ADGRB1: variants seen among roughly 807,000 people sequenced by gnomAD.
ADGRB1 encodes the protein adhesion G protein-coupled receptor B1, also known as brain-specific angiogenesis inhibitor 1.
A neutral mutation model predicts 175.7 loss-of-function variants in ADGRB1; 36 were observed. The ratio of observed to expected loss-of-function variants is 0.20; its 90% confidence interval spans 0.16 to 0.27. The LOEUF (loss-of-function observed/expected upper bound fraction) is 0.27. ADGRB1 is among the 10% of genes least tolerant of loss of function. ADGRB1 has a pLI of 1.00. For missense variants in ADGRB1, 1,731 were observed against 2,255.3 expected, an observed-to-expected ratio of 0.77 and a Z score of 4.71; for synonymous variants, 1,054 against 979.4, an observed-to-expected ratio of 1.08 and a Z score of -1.42.
At chr8:142,539,445 AGCCCG>A in intron 27 of ADGRB1, 32 bp downstream of exon 27, 1 of 1,597,690 alleles carries the variant, frequency 6.3e-7, no homozygotes, top group Non-Finnish European at 8.5e-7. Context: ...GGACAGTGCC[AGCCCG>A]GCCCCCTGCA....
intron 23 of ADGRB1, 35 bp from the exon 24 acceptor site, chr8:142,526,507 C>CCACCCCCA: frequency 7.7e-7 from 1 of 1,298,616 alleles, no homozygotes; most frequent in Non-Finnish European, 1.1e-6. Context: ...ACGGCGGCCC[C>CCACCCCCA]CACCCCCACA....
chr8:142,490,921 C>G (rs1196719216), intron 17 of ADGRB1, 106 bp downstream of exon 17: 2 of 1,417,628 alleles, frequency 1.4e-6, no homozygotes, highest in African/African-American at 2.8e-5. Flanking sequence ...CACTTGCCCC[C>G]CAGCTGTCTG....
intron 16 of ADGRB1, among the ~76,000 whole-genome samples, chr8:142,490,155 C>A (rs377376455): frequency 2.0e-5 from 3 of 152,208 alleles, no homozygotes; most frequent in South Asian, 2.1e-4. Context: ...AGCTGTGTGA[C>A]CTTGGGAGAG....
intron 4 of ADGRB1, 87 bp downstream of exon 4, chr8:142,476,782 T>C: frequency 1.6e-6 from 2 of 1,286,076 alleles, no homozygotes; most frequent in Non-Finnish European, 2.1e-6. Flanking sequence ...GGGTAGTAAC[T>C]TGAATAACAT....
intron 2 of ADGRB1, among the ~76,000 whole-genome samples, chr8:142,470,692 C>T (rs928769507): frequency 6.6e-6 from 1 of 152,104 alleles, no homozygotes; most frequent in East Asian, 1.9e-4. Context: ...GAGTGTGAAC[C>T]CACACATTCC....
intron 2 of ADGRB1, among the ~76,000 whole-genome samples, chr8:142,469,601 A>G (rs1840523874): frequency 1.5e-5 from 2 of 137,840 alleles, no homozygotes; most frequent in South Asian, 2.4e-4. Context: ...GTGTGTGTGC[A>G]CGTGCATGTG....
rs1845472580 is a variant in ADGRB1 at position 142,544,464 on chromosome 8, C to G, written c.*47C>G. The stretch of plus-strand genomic sequence containing the variant: ...ACTGGGCCACGGAGGAGGGATGCTG[C>G]TCCGCCCGCTCCTGCCGCAGACGGG... On this transcript the variant is annotated 3_prime_UTR_variant, in exon 31 of 31. Transcript: ENST00000517894. The G allele has an allele frequency of 7.0e-7, 1 of 1,422,134 alleles. No homozygotes were observed. 88.1% of individuals were successfully genotyped at this position (1,422,134 alleles called of 1,614,324 possible).
At chr8:142,459,294 TCCCAGGGGATCCTCCCAA>T (rs969354482) in intron 1 of ADGRB1, among the ~76,000 whole-genome samples, 8 of 152,118 alleles carry the variant, frequency 5.3e-5, no homozygotes, top group Middle Eastern at 3.4e-3. Flanking sequence ...CCCCCGGGGC[TCCCAGGGGATCCTCCCAA>T]CCCAGGGGAT....
intron 11 of ADGRB1, among the ~76,000 whole-genome samples, chr8:142,483,160 G>A (rs922609421): frequency 1.2e-4 from 14 of 115,754 alleles, no homozygotes; most frequent in East Asian, 5.7e-4. Context: ...CTGGTCACAC[G>A]CTGAGCCCTG....
Position 142,464,086 on chromosome 8 carries a change from G to A in ADGRB1, c.-113G>A. On this transcript the variant is annotated 5_prime_UTR_variant, in exon 2 of 31. Transcript: ENST00000517894. ...CCCTCTCCCATCCCACCCTTGCCCC[G>A]CCTCCCTGCCCCCACCGGGCCGGCC... 1 of 198,026 alleles carries A rather than the reference G, an allele frequency of 5.0e-6. No individual in the cohort carries two copies. The highest frequency in any genetic ancestry group is 9.2e-6 in the Non-Finnish European group (1 of 108,424). The allele number at this position is 198,026 out of a possible 1,614,324, so 12.3% of individuals were successfully genotyped here. A position where few individuals can be genotyped will look rare whatever the true frequency, so the allele number is the denominator to read the frequency against.
At chr8:142,533,865 T>C (rs1844773695) in intron 25 of ADGRB1, among the ~76,000 whole-genome samples, 1 of 152,152 alleles carries the variant, frequency 6.6e-6, no homozygotes, top group South Asian at 2.1e-4. Flanking sequence ...ACTAGAAGGT[T>C]TTCACCAAAC....
intron 1 of ADGRB1, among the ~76,000 whole-genome samples, chr8:142,451,029 C>T (rs1350484026): frequency 1.3e-5 from 2 of 152,140 alleles, no homozygotes; most frequent in African/African-American, 4.8e-5. Flanking sequence ...GCGGAGCTGC[C>T]TCGAGGAACG....
At chr8:142,461,184 G>C (rs912499403) in intron 1 of ADGRB1, among the ~76,000 whole-genome samples, 3 of 152,204 alleles carry the variant, frequency 2.0e-5, no homozygotes, top group Admixed American at 2.0e-4. Flanking sequence ...GCGGTGACCC[G>C]CAGGCCTGAG....
intron 21 of ADGRB1, 21 bp downstream of exon 21, chr8:142,522,136 C>T: frequency 6.2e-7 from 1 of 1,600,522 alleles, no homozygotes; most frequent in Non-Finnish European, 8.5e-7. Context: ...GCCTTCCCGA[C>T]CCTCCTGGAC....
chr8:142,543,837 T>G lies in ADGRB1; in HGVS notation c.4557+129T>G. 1 of 979,336 alleles carries G rather than the reference T, an allele frequency of 1.0e-6. No individual in the cohort carries two copies. The highest frequency in any genetic ancestry group is 1.5e-6 in the Non-Finnish European group (1 of 645,502). The allele number at this position is 979,336 out of a possible 1,614,324, so 60.7% of individuals were successfully genotyped here. ...ATCCATTCGTTCATTCATTCATTCA[T>G]TCGCCCATCCCTGAGGGCTGGCCTG... On this transcript the variant is annotated intron_variant, in intron 30 of 30. Coordinates refer to ENST00000517894, the MANE Select transcript of ADGRB1 (RefSeq NM_001702.3). This position sits in a 1 kb window ranked among gnomAD's most constrained non-coding sequence, Gnocchi z 4.4.
chr8:142,507,302 A>G (rs1247273577), intron 17 of ADGRB1, among the ~76,000 whole-genome samples: 1 of 152,132 alleles, frequency 6.6e-6, no homozygotes, highest in Admixed American at 6.5e-5. Context: ...AGCCAGGAGG[A>G]CGGAGGAGGT....
intron 22 of ADGRB1, among the ~76,000 whole-genome samples, chr8:142,523,424 C>T (rs1417706550): frequency 6.6e-6 from 1 of 151,488 alleles, no homozygotes; most frequent in African/African-American, 2.4e-5. Flanking sequence ...AGGCCTGGCT[C>T]ACTGTGGAGC....
At chr8:142,481,992 G>A (rs564461152) in intron 11 of ADGRB1, among the ~76,000 whole-genome samples, 1 of 150,442 alleles carries the variant, frequency 6.6e-6, no homozygotes, top group African/African-American at 2.4e-5. Flanking sequence ...ACTGAGCTCT[G>A]GTCACACACT....
At position 142,492,672 on chromosome 8, in the gene ADGRB1, G is replaced by T. The variant is rs1842036351; in HGVS notation, c.2675+1857G>T. Among the ~76,000 whole-genome samples, 1 of 152,196 alleles carries T rather than the reference G, an allele frequency of 6.6e-6. No homozygotes were observed. The stretch of plus-strand genomic sequence containing the variant: ...GCTATGTTTCCTGCCCTGGGTCTGG[G>T]GTTGGCAGCTGGGCTGGGGAAAGCT... On this transcript the variant is annotated intron_variant, in intron 17 of 30. Transcript: ENST00000517894. The surrounding 1 kb of genome is among the most constrained non-coding windows in gnomAD (Gnocchi z 4.4).
Sources: gnomAD v4.1 joint callset for allele counts (sites outside exome capture counted in the v4.1 genomes callset) on GRCh38, gnomAD v4.1.1 for gene constraint, Gnocchi (gnomAD v3.1) non-coding constraint, MANE v1.5 for transcripts, NCBI Gene and HGNC (gene_info 2026-07-23, HGNC 2026-07-21) for gene names.